PICALM: variants seen among roughly 807,000 people sequenced by gnomAD.
PICALM encodes the protein phosphatidylinositol-binding clathrin assembly protein.
Under a neutral mutation model 80.5 loss-of-function variants are expected in PICALM, and 40 were observed. The ratio of observed to expected loss-of-function variants is 0.50; its 90% CI spans 0.39 to 0.65. The LOEUF is 0.65. Ranked by LOEUF, PICALM falls within the 30% of genes least tolerant of loss-of-function variation. PICALM has a pLI of 0.00. For synonymous variants in PICALM, 288 were observed against 260.3 expected (o/e 1.11, Z -1.02); for missense variants, 676 against 778.9 (o/e 0.87, Z 1.57).
At chr11:86,065,240 G>T (rs184654954) in intron 1 of PICALM, among the ~76,000 whole-genome samples, 2 of 152,276 alleles carry the variant, frequency 1.3e-5, no homozygotes, top group Admixed American at 6.5e-5. Context: ...GTGGTCAAGA[G>T]ATCCAGACCA....
Position 85,968,282 on chromosome 11 carries a change from C to A in PICALM, c.1944+6426G>T, listed in dbSNP as rs867591091. Among the ~76,000 whole-genome samples, 9 of 102,680 alleles carry A rather than the reference C, an allele frequency of 8.8e-5. No individual in the cohort carries two copies. The Middle Eastern group carries it at 0.014, about 156-fold the overall frequency. 67.4% of individuals were successfully genotyped at this position (102,680 alleles called of 152,430 possible). The stretch of plus-strand genomic sequence containing the variant: ...CTCCAGCCTGGGGGACAGAGTGAGA[C>A]CCTGTCTCAAAAAAACAAAACAAAC... On this transcript the variant is annotated intron_variant, in intron 19 of 19. Coordinates refer to ENST00000393346, the MANE Select transcript of PICALM (RefSeq NM_007166.4).
At chr11:85,981,271 T>G (rs754320061) in intron 16 of PICALM, 43 bp from the exon 17 acceptor site, 4 of 1,125,352 alleles carry the variant, frequency 3.6e-6, no homozygotes, top group Non-Finnish European at 5.4e-6. Context: ...TCTCTAATTA[T>G]AAAGTTTCCT....
At chr11:86,029,386 T>A (rs11234518) in intron 2 of PICALM, among the ~76,000 whole-genome samples, 1 of 152,156 alleles carries the variant, frequency 6.6e-6, no homozygotes, top group African/African-American at 2.4e-5. Context: ...TTGTACAAAC[T>A]AGCATAAAAA....
At chr11:86,033,269 G>GGTGT (rs60585705) in intron 1 of PICALM, among the ~76,000 whole-genome samples, 3 of 151,482 alleles carry the variant, frequency 2.0e-5, no homozygotes, top group South Asian at 2.1e-4. Flanking sequence ...CATGGTGCAT[G>GGTGT]GTGTGTGTGT....
At chr11:85,980,881 T>TA (rs1309073413) in intron 17 of PICALM, among the ~76,000 whole-genome samples, 7 of 152,302 alleles carry the variant, frequency 4.6e-5, no homozygotes, top group Admixed American at 1.3e-4. Context: ...AGGAGGATTA[T>TA]AAAAAATAAA....
intron 4 of PICALM, among the ~76,000 whole-genome samples, chr11:86,019,494 T>C (rs2095532330): frequency 2.0e-5 from 3 of 152,178 alleles, no homozygotes; most frequent in African/African-American, 7.2e-5. Flanking sequence ...CCCTTCAAAT[T>C]AGAACAAAAG....
intron 1 of PICALM, among the ~76,000 whole-genome samples, chr11:86,065,380 T>C (rs932600624): frequency 9.9e-5 from 15 of 151,918 alleles, no homozygotes; most frequent in African/African-American, 3.1e-4. Flanking sequence ...GAGGCAGAGG[T>C]TGCAGTGAGC....
chr11:85,964,323 G>A (rs1454587155), intron 19 of PICALM, among the ~76,000 whole-genome samples: 1 of 152,166 alleles, frequency 6.6e-6, no homozygotes, highest in Non-Finnish European at 1.5e-5. Flanking sequence ...TAACAATGCT[G>A]TAGAGATTCA....
chr11:86,050,639 T>C (rs905472369), intron 1 of PICALM, among the ~76,000 whole-genome samples: 1 of 152,158 alleles, frequency 6.6e-6, no homozygotes, highest in African/African-American at 2.4e-5. Flanking sequence ...AAAAATAAGG[T>C]GAAGCAATTA....
intron 17 of PICALM, chr11:85,978,029 A>T: frequency 6.5e-7 from 1 of 1,532,678 alleles, no homozygotes; most frequent in Non-Finnish European, 9.0e-7. Context: ...GGTTAATAGC[A>T]TGCCAATTTA....
chr11:86,008,647 T>G (rs1005923789), intron 7 of PICALM, among the ~76,000 whole-genome samples: 1 of 151,732 alleles, frequency 6.6e-6, no homozygotes, highest in Non-Finnish European at 1.5e-5. Context: ...TCTGATAAAT[T>G]CATTATTACT....
intron 13 of PICALM, among the ~76,000 whole-genome samples, chr11:85,986,709 T>C (rs2094584308): frequency 6.6e-6 from 1 of 152,202 alleles, no homozygotes; most frequent in African/African-American, 2.4e-5. Flanking sequence ...TTTTAATTTT[T>C]AAAAGTTATT....
At chr11:86,044,216 T>C (rs1443828490) in intron 1 of PICALM, among the ~76,000 whole-genome samples, 1 of 152,190 alleles carries the variant, frequency 6.6e-6, no homozygotes, top group African/African-American at 2.4e-5. Flanking sequence ...GATGGAGCTA[T>C]GTGTTTGAGG....
At chr11:85,986,799 C>T (rs114746704) in intron 13 of PICALM, among the ~76,000 whole-genome samples, 1,920 of 152,254 alleles carry the variant, frequency 0.013, 46 homozygotes, top group African/African-American at 0.044. Context: ...TACACGCGTG[C>T]GCACATGCTA....
At chr11:86,047,415 T>C (rs189168226) in intron 1 of PICALM, among the ~76,000 whole-genome samples, 55 of 152,372 alleles carry the variant, frequency 3.6e-4, no homozygotes, top group Admixed American at 3.9e-4. Context: ...AGTTCACAAG[T>C]TGCGAAAGTT....
intron 2 of PICALM, among the ~76,000 whole-genome samples, chr11:86,027,010 A>C (rs907642905): frequency 1.3e-5 from 2 of 152,222 alleles, no homozygotes; most frequent in African/African-American, 4.8e-5. Context: ...AATTTACACA[A>C]GTATCATAGT....
intron 19 of PICALM, among the ~76,000 whole-genome samples, chr11:85,967,720 C>CAACAAAACCAAAA (rs967178670): frequency 6.6e-6 from 1 of 152,122 alleles, no homozygotes; most frequent in Non-Finnish European, 1.5e-5. Context: ...AAAACAACAA[C>CAACAAAACCAAAA]AACAAAACCA....
intron 11 of PICALM, among the ~76,000 whole-genome samples, chr11:85,998,060 G>A (rs910880709): frequency 2.6e-4 from 39 of 152,116 alleles, no homozygotes; most frequent in African/African-American, 9.4e-4. Context: ...GGGATTACAG[G>A]CGGGAGGCAC....
At chr11:86,069,775 T>A (rs920409273), upstream of PICALM, 5 of 152,344 alleles carry the variant, frequency 3.3e-5, no homozygotes, top group African/African-American at 1.2e-4. Context: ...TCACCTGGTT[T>A]TGTTTATCTC....
Sources: allele counts gnomAD v4.1 joint callset (sites outside exome capture counted in the v4.1 genomes callset), GRCh38; gene constraint gnomAD v4.1.1; transcripts MANE v1.5; gene names NCBI Gene and HGNC (gene_info 2026-07-23, HGNC 2026-07-21).